IGSF3: variants seen among roughly 807,000 people sequenced by gnomAD.
IGSF3 encodes immunoglobulin superfamily member 3, also known as glu-Trp-Ile EWI motif-containing protein 3.
Under a neutral mutation model 114.4 loss-of-function variants are expected in IGSF3, and 23 were observed. The ratio of observed to expected loss-of-function variants is 0.20; its 90% CI spans 0.14 to 0.28. IGSF3 has a LOEUF of 0.28. Among genes scored for constraint, IGSF3 ranks in the 10% least tolerant of loss-of-function variants. The pLI, the probability that IGSF3 is intolerant of heterozygous loss-of-function variation, is 1.00. For missense variants in IGSF3, 1,172 were observed against 1,591.5 expected, an observed-to-expected ratio of 0.74 and a Z score of 4.48; for synonymous variants, 571 against 645.2, an observed-to-expected ratio of 0.88 and a Z score of 1.74.
At position 116,648,761 on chromosome 1, in the gene IGSF3, A is replaced by T. The variant is rs146354182; in HGVS notation, c.43+17523T>A. 1.1e-3 allele frequency among the ~76,000 whole-genome samples: 169 copies of T among 152,304 alleles called. 2 individuals are homozygous for T. The highest frequency in any genetic ancestry group is 4.0e-3 in the African/African-American group (165 of 41,556). On this transcript the variant is annotated intron_variant, in intron 2 of 10. Transcript: ENST00000369486. The surrounding 1 kb of genome is among the most constrained non-coding windows in gnomAD (Gnocchi z 4.7). ...CCTGAAGCTCCATGTTTAGCCAGAT[A>T]ATTGAGACACTCCACCTGGTCACCA...
rs1420822928 is a variant in IGSF3 at position 116,638,233 on chromosome 1, C to A, written c.44-21776G>T. The stretch of plus-strand genomic sequence containing the variant: ...TGTTCTTTCATCAAGCCAGGGACTC[C>A]TGCTCCTCTCTCCCTAGTCTCTCCT... On this transcript the variant is annotated intron_variant, in intron 2 of 10. Coordinates refer to ENST00000369486, the MANE Select transcript of IGSF3 (RefSeq NM_001007237.3). The surrounding 1 kb of genome is among the most constrained non-coding windows in gnomAD (Gnocchi z 4.1). Among the ~76,000 whole-genome samples the A allele has an allele frequency of 6.6e-6, 1 of 152,200 alleles. No individual in the cohort carries two copies. Among genetic ancestry groups the A allele is most frequent in the Non-Finnish European group, 1.5e-5 (1 of 68,044 alleles).
rs1221657469 is a variant in IGSF3 at position 116,634,299 on chromosome 1, C to G, written c.44-17842G>C. On this transcript the variant is annotated intron_variant, in intron 2 of 10. Coordinates refer to ENST00000369486, the MANE Select transcript of IGSF3 (RefSeq NM_001007237.3). This position sits in a 1 kb window ranked among gnomAD's most constrained non-coding sequence, Gnocchi z 4.2. ...TCCTAATAAAACGCTGTTTAAAAAT[C>G]TAAGAGGAAAAAAGGGTAGGCTCCA... is the stretch of plus-strand genomic sequence containing the variant. Among the ~76,000 whole-genome samples, 4 of 152,138 alleles carry G rather than the reference C, an allele frequency of 2.6e-5. No homozygotes were observed.
chr1:116,579,663 GTCGTCCTCCTCC>G lies in IGSF3; in HGVS notation c.3051_3062del (p.Glu1017_Asp1020del), dbSNP rs1659513047. On this transcript the variant is annotated inframe_deletion, in exon 10 of 11. Coordinates refer to ENST00000369486, the MANE Select transcript of IGSF3 (RefSeq NM_001007237.3). The surrounding 1 kb of genome is among the most constrained non-coding windows in gnomAD (Gnocchi z 6.4). ...GCTCTGTTGGGTCGTCGTCGTCGTCGTCGTCCTCCTCCTCCTCCTCCTCCCTTTCCTCTTCCT... is the reference window on the plus strand; with the variant it reads ...GCTCTGTTGGGTCGTCGTCGTCGTCGTCCTCCTCCTCCCTTTCCTCTTCCT... 2 of 1,565,066 alleles carry G rather than the reference GTCGTCCTCCTCC, an allele frequency of 1.3e-6. No homozygotes were observed. The highest frequency in any genetic ancestry group is 1.4e-5 in the African/African-American group (1 of 73,626).
intron 2 of IGSF3, among the ~76,000 whole-genome samples, chr1:116,663,721 G>A (rs1000353789): frequency 1.3e-5 from 2 of 152,062 alleles, no homozygotes; most frequent in African/African-American, 4.8e-5. Flanking sequence ...TCATGTTGAG[G>A]GAGATGAAAG....
chr1:116,582,225 C>G lies in IGSF3; in HGVS notation c.2849-2348G>C, dbSNP rs912592932. 6.6e-6 allele frequency among the ~76,000 whole-genome samples: 1 copy of G among 152,194 alleles called. No homozygotes were observed. Among genetic ancestry groups the G allele is most frequent in the African/African-American group, 2.4e-5 (1 of 41,450 alleles). On this transcript the variant is annotated intron_variant, in intron 9 of 10. Transcript: ENST00000369486. The surrounding 1 kb of genome is among the most constrained non-coding windows in gnomAD (Gnocchi z 4.7). Reference sequence around the variant, plus strand: ...TTTAGTTCCCTGAATCTGCCCCCTTCTAGAATATGCCAACCCTCCTCCCTG... The same window carrying G: ...TTTAGTTCCCTGAATCTGCCCCCTTGTAGAATATGCCAACCCTCCTCCCTG...
chr1:116,611,435 G>A (rs1338607660), intron 4 of IGSF3, among the ~76,000 whole-genome samples: 1 of 152,012 alleles, frequency 6.6e-6, no homozygotes, highest in Non-Finnish European at 1.5e-5. Flanking sequence ...TAACCTCCTA[G>A]GCACCTTTGA....
rs1647435451 is a variant in IGSF3, at chr1:116,629,063, T to G, written c.44-12606A>C. On this transcript the variant is annotated intron_variant, in intron 2 of 10. Coordinates refer to ENST00000369486, the MANE Select transcript of IGSF3 (RefSeq NM_001007237.3). This position sits in a 1 kb window ranked among gnomAD's most constrained non-coding sequence, Gnocchi z 4.3. ...GGACTTCCAAAAGAAGGTACAAGAATGAGCACTATACCATAGGGGGGTGGG... is the reference window on the plus strand; with the variant it reads ...GGACTTCCAAAAGAAGGTACAAGAAGGAGCACTATACCATAGGGGGGTGGG... Among the ~76,000 whole-genome samples, 1 of 152,130 alleles carries G rather than the reference T, an allele frequency of 6.6e-6. No homozygotes were observed. Among genetic ancestry groups the G allele is most frequent in the Admixed American group, 6.6e-5 (1 of 15,256 alleles).
Position 116,624,359 on chromosome 1 carries a change from G to A in IGSF3, c.44-7902C>T, listed in dbSNP as rs891223240. On this transcript the variant is annotated intron_variant, in intron 2 of 10. Transcript: ENST00000369486. This position sits in a 1 kb window ranked among gnomAD's most constrained non-coding sequence, Gnocchi z 4.9. Reference sequence around the variant, plus strand: ...CATGGGCAGTAGCTGTGAGATCTTGGGCTGGTTACTTAACCTCTCTGCACC... The same window carrying A: ...CATGGGCAGTAGCTGTGAGATCTTGAGCTGGTTACTTAACCTCTCTGCACC... Among the ~76,000 whole-genome samples the A allele has an allele frequency of 6.6e-6, 1 of 152,100 alleles. No homozygotes were observed. Among genetic ancestry groups the A allele is most frequent in the Non-Finnish European group, 1.5e-5 (1 of 68,018 alleles).
At position 116,666,633 on chromosome 1, in the gene IGSF3, T is replaced by C; in HGVS notation, c.-307A>G. 1 of 578,228 alleles carries C rather than the reference T, an allele frequency of 1.7e-6. No homozygotes were observed. Among genetic ancestry groups the C allele is most frequent in the South Asian group, 2.3e-5 (1 of 43,848 alleles). The allele number at this position is 578,228 out of a possible 1,614,324, so 35.8% of individuals were successfully genotyped here. A position where few individuals can be genotyped will look rare whatever the true frequency, so the allele number is the denominator to read the frequency against. On this transcript the variant is annotated 5_prime_UTR_variant, in exon 2 of 11. It removes the in-frame stop codon of an upstream open reading frame in the 5' UTR. Coordinates refer to ENST00000369486, the MANE Select transcript of IGSF3 (RefSeq NM_001007237.3). ...ACTGAAATTGCAGACTGTAGTGGAT[T>C]AATCCTCCAGAAGCACGGAAAAAAG...
intron 2 of IGSF3, among the ~76,000 whole-genome samples, chr1:116,640,169 A>G (rs1441144341): frequency 6.6e-6 from 1 of 152,182 alleles, no homozygotes; most frequent in Non-Finnish European, 1.5e-5. Flanking sequence ...ACATGACAAC[A>G]GCAGCCATTG....
rs377755301 is a variant in IGSF3 at position 116,579,629 on chromosome 1, G to A, written c.3097C>T (p.Leu1033=). 2.4e-5 allele frequency: 39 copies of A among 1,613,772 alleles called. No individual in the cohort carries two copies. In the Middle Eastern group the frequency reaches 4.9e-4, roughly 20 times the overall value. ...ACAGCATCTGGGCCCACGCTCAGCA[G>A]GGCCGTCCGCTCTGTTGGGTCGTCG... ...DDDDPTERTA[L]LSVGPDAVFG... The change falls in exon 10 of 11, where the codon CTG becomes TTG. Residue 1033 remains leucine, a synonymous_variant. Coordinates refer to ENST00000369486, the MANE Select transcript of IGSF3 (RefSeq NM_001007237.3). This position sits in a 1 kb window ranked among gnomAD's most constrained non-coding sequence, Gnocchi z 6.4.
At chr1:116,659,690 C>T (rs1414499696) in intron 2 of IGSF3, among the ~76,000 whole-genome samples, 1 of 152,124 alleles carries the variant, frequency 6.6e-6, no homozygotes, top group Non-Finnish European at 1.5e-5. Flanking sequence ...TTACAGCTCA[C>T]TGTAGCCTCA....
Position 116,579,351 on chromosome 1 carries a change from AACCAACAGTGACATCCTCCCTCTGT to A in IGSF3, c.3334+16_3334+40del. On this transcript the variant is annotated intron_variant, in intron 10 of 10. Transcript: ENST00000369486. This position sits in a 1 kb window ranked among gnomAD's most constrained non-coding sequence, Gnocchi z 6.4. The stretch of plus-strand genomic sequence containing the variant: ...AAATTTATCTTCCAGACACAGTTGG[AACCAACAGTGACATCCTCCCTCTGT>A]ACTTGGGAAACTCACTTGTATCTAG... 6.6e-7 allele frequency: 1 copy of A among 1,518,752 alleles called. No individual in the cohort carries two copies. The highest frequency in any genetic ancestry group is 8.8e-7 in the Non-Finnish European group (1 of 1,133,704). 94.1% of individuals were successfully genotyped at this position (1,518,752 alleles called of 1,614,324 possible). A position where few individuals can be genotyped will look rare whatever the true frequency, so the allele number is the denominator to read the frequency against.
Position 116,600,148 on chromosome 1 carries a change from C to G in IGSF3, c.1822G>C (p.Asp608His). The stretch of plus-strand genomic sequence containing the variant: ...CGGGTTCGGAAGCTGGAGGACCTGT[C>G]CCCCCACTGGACCCCTCCGTCCCGG... ...FTRDGGVQWGDRSSSFRTRTA... is the reference protein window; with the variant it reads ...FTRDGGVQWGHRSSSFRTRTA... Residue 608 changes from aspartate to histidine, a missense_variant, in exon 7 of 11, where the codon GAC becomes CAC. Transcript: ENST00000369486. This position sits in a 1 kb window ranked among gnomAD's most constrained non-coding sequence, Gnocchi z 5.5. 1 of 1,613,996 alleles carries G rather than the reference C, an allele frequency of 6.2e-7. No homozygotes were observed. Among genetic ancestry groups the G allele is most frequent in the Non-Finnish European group, 8.5e-7 (1 of 1,179,944 alleles).
At position 116,610,003 on chromosome 1, in the gene IGSF3, C is replaced by T. The variant is rs1660954177; in HGVS notation, c.833-1672G>A. 6.6e-6 allele frequency among the ~76,000 whole-genome samples: 1 copy of T among 152,124 alleles called. No individual in the cohort carries two copies. On this transcript the variant is annotated intron_variant, in intron 4 of 10. Transcript: ENST00000369486. This position sits in a 1 kb window ranked among gnomAD's most constrained non-coding sequence, Gnocchi z 4.3. Reference sequence around the variant, plus strand: ...CCAAACTTCCTGACAGGGAAAACCACATCATCAACTCCAGGGCCTCCCCTC... The same window carrying T: ...CCAAACTTCCTGACAGGGAAAACCATATCATCAACTCCAGGGCCTCCCCTC...
At chr1:116,601,868 C>T (rs2101438409) in intron 6 of IGSF3, among the ~76,000 whole-genome samples, 1 of 152,290 alleles carries the variant, frequency 6.6e-6, no homozygotes, top group Middle Eastern at 3.4e-3. Flanking sequence ...ACACCAGGTG[C>T]TCCTGGCCTC....
At position 116,634,908 on chromosome 1, in the gene IGSF3, A is replaced by G. The variant is rs566937714; in HGVS notation, c.44-18451T>C. Among the ~76,000 whole-genome samples, 1 of 152,234 alleles carries G rather than the reference A, an allele frequency of 6.6e-6. No individual in the cohort carries two copies. The highest frequency in any genetic ancestry group is 1.9e-4 in the East Asian group (1 of 5,168). ...GCCCGCCACACTATAAGGAAGCCCA[A>G]GCTACCCCACAGGAGAGACAAGGTG... On this transcript the variant is annotated intron_variant, in intron 2 of 10. Coordinates refer to ENST00000369486, the MANE Select transcript of IGSF3 (RefSeq NM_001007237.3). This position sits in a 1 kb window ranked among gnomAD's most constrained non-coding sequence, Gnocchi z 4.2.
rs1263307407 is a variant in IGSF3 at position 116,595,066 on chromosome 1, TTAG to T, written c.2029+4872_2029+4874del. On this transcript the variant is annotated intron_variant, in intron 7 of 10. Coordinates refer to ENST00000369486, the MANE Select transcript of IGSF3 (RefSeq NM_001007237.3). This position sits in a 1 kb window ranked among gnomAD's most constrained non-coding sequence, Gnocchi z 4.2. ...CCTCACCAGCATGGCAACCTGGCAC[TTAG>T]TAGGTGCTCAATGCATGCAGAGAGA... Among the ~76,000 whole-genome samples the T allele has an allele frequency of 6.6e-6, 1 of 152,040 alleles. No homozygotes were observed. Among genetic ancestry groups the T allele is most frequent in the Non-Finnish European group, 1.5e-5 (1 of 68,006 alleles).
intron 1 of IGSF3, among the ~76,000 whole-genome samples, 157 bp from the exon 2 acceptor site, chr1:116,667,113 C>T (rs1214980472): frequency 9.2e-5 from 14 of 152,326 alleles, no homozygotes; most frequent in Non-Finnish European, 1.6e-4. Context: ...TTTCCCTCCG[C>T]CTCAGTTTCC....
Sources: gnomAD v4.1 joint callset for allele counts (sites outside exome capture counted in the v4.1 genomes callset) on GRCh38, gnomAD v4.1.1 for gene constraint, Gnocchi (gnomAD v3.1) non-coding constraint, MANE v1.5 for transcripts, NCBI Gene and HGNC (gene_info 2026-07-23, HGNC 2026-07-21) for gene names.